CCDC63: variants seen among roughly 807,000 people sequenced by gnomAD.
CCDC63 encodes coiled-coil domain containing 63.
CCDC63 carries 54 observed loss-of-function variants against 63.6 expected under a neutral mutation model. The observed-to-expected ratio is 0.85, with a 90% CI of 0.68 to 1.07. The LOEUF (loss-of-function observed/expected upper bound fraction) is 1.07. Among genes scored for constraint, CCDC63 ranks in the 50% least tolerant of loss-of-function variants. The pLI, the probability that CCDC63 is intolerant of heterozygous loss-of-function variation, is 0.00. For synonymous variants in CCDC63, 253 were observed against 266.1 expected (o/e 0.95, Z 0.48); for missense variants, 637 against 689.6 (o/e 0.92, Z 0.86).
chr12:110,871,432 C>T lies in CCDC63; in HGVS notation c.370-2410C>T, dbSNP rs187700401. Among the ~76,000 whole-genome samples the T allele has an allele frequency of 5.4e-3, 816 of 152,224 alleles. 5 individuals carry two copies. The highest frequency in any genetic ancestry group is 0.019 in the African/African-American group (775 of 41,546). ...CTGGGATTACAGGCGTGAGCCACTG[C>T]GCCCAGCCAGGACAGTGGTTCTTAA... On this transcript the variant is annotated intron_variant, in intron 4 of 11. Transcript: ENST00000308208.
intron 1 of CCDC63, among the ~76,000 whole-genome samples, chr12:110,851,062 C>G (rs922571001): frequency 1.3e-5 from 2 of 152,270 alleles, no homozygotes; most frequent in African/African-American, 4.8e-5. Context: ...GCTGACTTAC[C>G]ACTGAATTCC....
At chr12:110,850,840 C>T (rs2070696889) in intron 1 of CCDC63, among the ~76,000 whole-genome samples, 2 of 152,202 alleles carry the variant, frequency 1.3e-5, no homozygotes, top group African/African-American at 4.8e-5. Flanking sequence ...TATACTTGAG[C>T]GCAAATCGTT....
At chr12:110,906,176 C>A (rs1445481970) in intron 11 of CCDC63, among the ~76,000 whole-genome samples, 5 of 132,516 alleles carry the variant, frequency 3.8e-5, no homozygotes, top group Non-Finnish European at 6.1e-5. Flanking sequence ...GACGGTGCTG[C>A]TGTCATCTAG....
Position 110,907,049 on chromosome 12 carries a change from C to G in CCDC63, c.1547-282C>G, listed in dbSNP as rs1044121819. The stretch of plus-strand genomic sequence containing the variant: ...GATTTCAGCCCATCCATCTACCGCT[C>G]TCCTCAGGTGTCTTTGTGCAGTGCA... On this transcript the variant is annotated intron_variant, in intron 11 of 11. Transcript: ENST00000308208. This position sits in a 1 kb window ranked among gnomAD's most constrained non-coding sequence, Gnocchi z 4.4. Among the ~76,000 whole-genome samples, 2 of 152,234 alleles carry G rather than the reference C, an allele frequency of 1.3e-5. No individual in the cohort carries two copies. The highest frequency in any genetic ancestry group is 2.9e-5 in the Non-Finnish European group (2 of 68,050).
At chr12:110,899,661 C>A (rs1317369080) in intron 10 of CCDC63, among the ~76,000 whole-genome samples, 2 of 149,244 alleles carry the variant, frequency 1.3e-5, no homozygotes, top group South Asian at 2.1e-4. Flanking sequence ...GATTTTTGAT[C>A]GACAAAAATG....
intron 4 of CCDC63, among the ~76,000 whole-genome samples, chr12:110,867,048 T>C (rs1289822744): frequency 4.7e-4 from 47 of 100,400 alleles, no homozygotes; most frequent in South Asian, 1.5e-3. Flanking sequence ...GCAGAGGGGC[T>C]CCTCACCTCC....
intron 4 of CCDC63, among the ~76,000 whole-genome samples, chr12:110,859,764 A>T (rs1440840547): frequency 1.3e-5 from 2 of 152,140 alleles, no homozygotes; most frequent in African/African-American, 4.8e-5. Flanking sequence ...CCCTCTCATT[A>T]TCTGGAAGGC....
intron 10 of CCDC63, among the ~76,000 whole-genome samples, chr12:110,901,048 G>A (rs1442726934): frequency 6.6e-6 from 1 of 152,176 alleles, no homozygotes; most frequent in Non-Finnish European, 1.5e-5. Flanking sequence ...AAAGGGTACA[G>A]AACAAAATTG....
intron 1 of CCDC63, among the ~76,000 whole-genome samples, chr12:110,849,498 C>CTTTTTTTT (rs56059098): frequency 7.9e-6 from 1 of 126,298 alleles, no homozygotes; most frequent in Non-Finnish European, 1.6e-5. Context: ...CTCTTATTTC[C>CTTTTTTTT]TTTTTTTTTT....
chr12:110,857,101 G>A (rs865845409), intron 3 of CCDC63, among the ~76,000 whole-genome samples: 10 of 151,742 alleles, frequency 6.6e-5, no homozygotes, highest in African/African-American at 2.2e-4. Flanking sequence ...CACTGCGCCA[G>A]GCCTGTAGAA....
At chr12:110,857,280 C>T (rs569291907) in intron 3 of CCDC63, among the ~76,000 whole-genome samples, 1 of 151,690 alleles carries the variant, frequency 6.6e-6, no homozygotes, top group South Asian at 2.1e-4. Context: ...CGCCCACCAC[C>T]CCCCCCGGCT....
chr12:110,855,067 A>G (rs1263440048), intron 3 of CCDC63, among the ~76,000 whole-genome samples: 2 of 152,234 alleles, frequency 1.3e-5, no homozygotes, highest in Non-Finnish European at 2.9e-5. Flanking sequence ...CTAGGATTAC[A>G]GGCGTGAGCC....
intron 4 of CCDC63, among the ~76,000 whole-genome samples, chr12:110,867,250 G>A (rs1441226290): frequency 3.3e-4 from 37 of 112,376 alleles, no homozygotes; most frequent in Non-Finnish European, 4.3e-4. Flanking sequence ...CCTCCCGGAC[G>A]GGGCGGCTGG....
At position 110,898,929 on chromosome 12, in the gene CCDC63, C is replaced by T; in HGVS notation, c.1150-4C>T. The stretch of plus-strand genomic sequence containing the variant: ...AGCAGGTGGGAATTGGGGTCTGCCA[C>T]CAGGATAAACTGAGGAAGACCACGG... On this transcript the variant is annotated splice_region_variant and splice_polypyrimidine_tract_variant and intron_variant, in intron 9 of 11. Transcript: ENST00000308208. The T allele has an allele frequency of 6.3e-7, 1 of 1,582,284 alleles. No homozygotes were observed. Among genetic ancestry groups the T allele is most frequent in the Non-Finnish European group, 8.6e-7 (1 of 1,161,354 alleles).
intron 4 of CCDC63, among the ~76,000 whole-genome samples, chr12:110,872,314 T>C (rs1296718726): frequency 6.6e-6 from 1 of 152,228 alleles, no homozygotes; most frequent in African/African-American, 2.4e-5. Flanking sequence ...GGGCCAGATT[T>C]GACCAAGGGC....
chr12:110,866,330 AT>A (rs1200808622), intron 4 of CCDC63, among the ~76,000 whole-genome samples: 3 of 107,704 alleles, frequency 2.8e-5, no homozygotes, highest in Admixed American at 9.7e-5. Context: ...TTTTTAATTT[AT>A]TTTTTTATTG....
chr12:110,874,744 G>A, intron 5 of CCDC63, among the ~76,000 whole-genome samples: 1 of 152,158 alleles, frequency 6.6e-6, no homozygotes, highest in Non-Finnish European at 1.5e-5. Context: ...AACCAATCAG[G>A]GTGGGTGGTC....
Position 110,863,715 on chromosome 12 carries a change from A to G in CCDC63, c.369+4940A>G, listed in dbSNP as rs145820183. Among the ~76,000 whole-genome samples the G allele has an allele frequency of 2.3e-3, 355 of 152,042 alleles. 2 individuals carry two copies. Among genetic ancestry groups the G allele is most frequent in the Non-Finnish European group, 4.4e-3 (301 of 67,976 alleles). On this transcript the variant is annotated intron_variant, in intron 4 of 11. Transcript: ENST00000308208. The stretch of plus-strand genomic sequence containing the variant: ...GCCACCATGCCTGGCTAATTTTTGT[A>G]TTTTTAGTAGAGATGGGGTTTCACC...
intron 9 of CCDC63, among the ~76,000 whole-genome samples, chr12:110,893,502 C>T (rs1429614669): frequency 6.6e-6 from 1 of 152,190 alleles, no homozygotes; most frequent in Non-Finnish European, 1.5e-5. Flanking sequence ...TTCCCCTTGT[C>T]CTGCCTGTGC....
Sources: allele counts gnomAD v4.1 joint callset (sites outside exome capture counted in the v4.1 genomes callset), GRCh38; gene constraint gnomAD v4.1.1; non-coding constraint Gnocchi (gnomAD v3.1); transcripts MANE v1.5; gene names NCBI Gene and HGNC (gene_info 2026-07-23, HGNC 2026-07-21).